Variants in RANBP9 observed in about 807,000 individuals in gnomAD.
RANBP9 encodes the protein RAN binding protein 9, also known as ran-binding protein 9.
A neutral mutation model predicts 84.3 loss-of-function variants in RANBP9; 15 were observed. That is an observed-to-expected ratio of 0.18 (90% CI 0.12 to 0.27). RANBP9 has a LOEUF of 0.27. Among genes scored for constraint, RANBP9 ranks in the 10% least tolerant of loss-of-function variants. The pLI is 1.00. For missense variants in RANBP9, 809 were observed against 912.8 expected (o/e 0.89, Z 1.46); for synonymous variants, 392 against 349.6 (o/e 1.12, Z -1.35).
chr6:13,684,403 T>TA lies in RANBP9; in HGVS notation c.683+12381dup, dbSNP rs147644404. Among the ~76,000 whole-genome samples the TA allele has an allele frequency of 4.1e-3, 631 of 152,324 alleles. 4 individuals carry two copies. Among genetic ancestry groups the TA allele is most frequent in the Non-Finnish European group, 5.7e-3 (387 of 68,014 alleles). ...CTCCGTGCTGATTTCATTTTTTCCC[T>TA]ACCCAGCCTGAACTAAAATGGTCCA... On this transcript the variant is annotated intron_variant, in intron 2 of 13. Coordinates refer to ENST00000011619, the MANE Select transcript of RANBP9 (RefSeq NM_005493.3).
chr6:13,685,916 C>T (rs1584942297), intron 2 of RANBP9, among the ~76,000 whole-genome samples: 1 of 144,268 alleles, frequency 6.9e-6, no homozygotes, highest in Non-Finnish European at 1.5e-5. Flanking sequence ...GGCAACAGAG[C>T]GAGACTCTGT....
intron 5 of RANBP9, 45 bp downstream of exon 5, chr6:13,652,613 CT>C: frequency 6.6e-7 from 1 of 1,506,702 alleles, no homozygotes; most frequent in Non-Finnish European, 9.1e-7. Context: ...TTTCTTTATA[CT>C]TCCTGTAATT....
intron 13 of RANBP9, 95 bp from the exon 14 acceptor site, chr6:13,622,587 A>G (rs952949187): frequency 1.6e-5 from 21 of 1,293,580 alleles, no homozygotes; most frequent in Non-Finnish European, 2.1e-5. Flanking sequence ...TTTAAAAACT[A>G]CCACTCCCAT....
intron 2 of RANBP9, among the ~76,000 whole-genome samples, chr6:13,690,519 C>G (rs1413652719): frequency 1.3e-5 from 2 of 152,032 alleles, no homozygotes; most frequent in Non-Finnish European, 2.9e-5. Context: ...AAAGAGTGCA[C>G]TTTATTATCA....
chr6:13,623,382 A>G (rs888455510), intron 13 of RANBP9, among the ~76,000 whole-genome samples: 2 of 152,242 alleles, frequency 1.3e-5, no homozygotes, highest in Non-Finnish European at 2.9e-5. Flanking sequence ...CTCTTGGTTC[A>G]GAGGATGCAA....
At chr6:13,657,782 T>G (rs1430074837) in intron 3 of RANBP9, among the ~76,000 whole-genome samples, 3 of 152,210 alleles carry the variant, frequency 2.0e-5, no homozygotes, top group Non-Finnish European at 2.9e-5. Flanking sequence ...TATCAGTTAC[T>G]TCTATAAGGA....
At chr6:13,663,127 G>A (rs542920272) in intron 2 of RANBP9, among the ~76,000 whole-genome samples, 3 of 151,976 alleles carry the variant, frequency 2.0e-5, no homozygotes, top group African/African-American at 7.2e-5. Context: ...AATCACAGCT[G>A]AACTGCTGAA....
chr6:13,642,963 T>C (rs1765101288), intron 6 of RANBP9, among the ~76,000 whole-genome samples: 1 of 152,214 alleles, frequency 6.6e-6, no homozygotes, highest in Admixed American at 6.5e-5. Context: ...ATCATATGAC[T>C]TATTCCAGTA....
intron 1 of RANBP9, among the ~76,000 whole-genome samples, chr6:13,698,538 T>C (rs566378074): frequency 1.7e-4 from 26 of 152,288 alleles, no homozygotes; most frequent in African/African-American, 5.1e-4. Flanking sequence ...TATAGAAAAC[T>C]ATCTAAACAA....
chr6:13,634,164 G>C (rs1317503247), intron 11 of RANBP9, among the ~76,000 whole-genome samples: 1 of 152,198 alleles, frequency 6.6e-6, no homozygotes, highest in Non-Finnish European at 1.5e-5. Flanking sequence ...CTCAACACCA[G>C]TAAGTCAGTA....
intron 2 of RANBP9, among the ~76,000 whole-genome samples, chr6:13,663,684 A>G (rs1248506150): frequency 6.6e-6 from 1 of 152,172 alleles, no homozygotes; most frequent in African/African-American, 2.4e-5. Context: ...AAGAAATTCT[A>G]ATAATGTATC....
chr6:13,642,433 C>A, intron 7 of RANBP9, 46 bp downstream of exon 7: 2 of 1,168,384 alleles, frequency 1.7e-6, no homozygotes, highest in Non-Finnish European at 1.2e-6. Flanking sequence ...GTAACCAAAT[C>A]TATAATCTGA....
At chr6:13,693,805 G>A (rs1288698230) in intron 2 of RANBP9, among the ~76,000 whole-genome samples, 1 of 152,198 alleles carries the variant, frequency 6.6e-6, no homozygotes, top group African/African-American at 2.4e-5. Context: ...CACTTTGGGA[G>A]GCTGAGGCAG....
At chr6:13,658,973 T>A (rs1765474529) in intron 2 of RANBP9, 141 bp from the exon 3 acceptor site, 1 of 746,782 alleles carries the variant, frequency 1.3e-6, no homozygotes, top group East Asian at 2.5e-5. Context: ...TATTACAATT[T>A]ATTATGTAAC....
At position 13,692,354 on chromosome 6, in the gene RANBP9, G is replaced by A. The variant is rs933878053; in HGVS notation, c.683+4431C>T. Among the ~76,000 whole-genome samples the A allele has an allele frequency of 2.6e-5, 4 of 151,130 alleles. No individual in the cohort carries two copies. The East Asian group carries it at 7.8e-4, about 29-fold the overall frequency. ...GGTTCGAAACCAGCTTGGCCAACAT[G>A]GCAAAACACACTAAAAGCACAAAAT... On this transcript the variant is annotated intron_variant, in intron 2 of 13. Transcript: ENST00000011619.
chr6:13,711,108 A>G lies in RANBP9; in HGVS notation c.398T>C (p.Phe133Ser), dbSNP rs1422064062. ...GTTCAGGGCCGAGTCCCCGTGAGGG[A>G]AGGGGGCCGCGGCGCTGCTGCCCGC... ...LVAGSSAAAP[F>S]PHGDSALNEQ... Residue 133 changes from phenylalanine to serine, a missense_variant, in exon 1 of 14, where the codon TTC becomes TCC. By Grantham distance (155) the Phe-to-Ser change is radical. Coordinates refer to ENST00000011619, the MANE Select transcript of RANBP9 (RefSeq NM_005493.3). The G allele has an allele frequency of 1.9e-6, 3 of 1,559,740 alleles. No homozygotes were observed. The highest frequency in any genetic ancestry group is 2.8e-5 in the African/African-American group (2 of 72,562).
intron 12 of RANBP9, among the ~76,000 whole-genome samples, chr6:13,626,080 T>G (rs1764595355): frequency 6.6e-6 from 1 of 151,916 alleles, no homozygotes; most frequent in Admixed American, 6.5e-5. Flanking sequence ...GGCAAAACAT[T>G]CAGATGTTTT....
In RANBP9 at chr6:13,650,719, G is replaced by T. The variant is rs369283040; in HGVS notation, c.927+1940C>A. Among the ~76,000 whole-genome samples, 3 of 152,246 alleles carry T rather than the reference G, an allele frequency of 2.0e-5. No individual in the cohort carries two copies. In the South Asian group the frequency reaches 6.2e-4, roughly 32 times the overall value. ...CATAATAAGAGTAATCTTAAAAAATGTTCTTGATGACGGAGAAGACAGTAT... is the reference window on the plus strand; with the variant it reads ...CATAATAAGAGTAATCTTAAAAAATTTTCTTGATGACGGAGAAGACAGTAT... On this transcript the variant is annotated intron_variant, in intron 5 of 13. Coordinates refer to ENST00000011619, the MANE Select transcript of RANBP9 (RefSeq NM_005493.3).
chr6:13,711,253 G>A lies in RANBP9; in HGVS notation c.253C>T (p.Pro85Ser). The A allele has an allele frequency of 1.0e-6, 1 of 983,168 alleles. No individual in the cohort carries two copies. Among genetic ancestry groups the A allele is most frequent in the Non-Finnish European group, 1.2e-6 (1 of 829,142 alleles). The allele number at this position is 983,168 out of a possible 1,614,324, so 60.9% of individuals were successfully genotyped here. A position where few individuals can be genotyped will look rare whatever the true frequency, so the allele number is the denominator to read the frequency against. The change falls in exon 1 of 14, where the codon CCG becomes TCG. Residue 85 changes from proline to serine, a missense_variant. By Grantham distance (74) the Pro-to-Ser change is moderately conservative. This residue lies in a region of RANBP9 where 302 missense variants were observed against 240.1 expected (regional missense o/e 1.26). Coordinates refer to ENST00000011619, the MANE Select transcript of RANBP9 (RefSeq NM_005493.3). ...PPPATAAPPP[P>S]PPPPPPPASA... ...GCAGGGGGAGGCGGGGGCGGCGGCG[G>A]GGGCGGCGGGGCCGCGGTGGCCGGG... is the stretch of plus-strand genomic sequence containing the variant.
Sources: gnomAD v4.1 joint callset for allele counts (sites outside exome capture counted in the v4.1 genomes callset) on GRCh38, gnomAD v4.1.1 for gene constraint, gnomAD v4.1.1 regional missense constraint, MANE v1.5 for transcripts, NCBI Gene and HGNC (gene_info 2026-07-23, HGNC 2026-07-21) for gene names.